BRF1: variants seen among roughly 807,000 people sequenced by gnomAD.
The protein encoded by BRF1 is BRF1 general transcription factor IIIB subunit.
Under a neutral mutation model 81.7 loss-of-function variants are expected in BRF1, and 59 were observed. That is an observed-to-expected ratio of 0.72 (90% confidence interval 0.59 to 0.90). The LOEUF (loss-of-function observed/expected upper bound fraction) is 0.90. Among genes scored for constraint, BRF1 ranks in the 40% least tolerant of loss-of-function variants. The probability of loss-of-function intolerance (pLI) is 0.00; values close to 1 mark genes in which losing one functional copy is unlikely to be tolerated. For synonymous variants in BRF1, 491 were observed against 395.6 expected, an observed-to-expected ratio of 1.24 and a Z score of -2.86; for missense variants, 1,050 against 936.3, an observed-to-expected ratio of 1.12 and a Z score of -1.58.
chr14:105,308,334 T>C (rs958146179), intron 1 of BRF1, among the ~76,000 whole-genome samples: 10 of 151,750 alleles, frequency 6.6e-5, no homozygotes, highest in Admixed American at 5.9e-4. Flanking sequence ...ATACAAAAAT[T>C]AGCCAGGTGT....
chr14:105,258,191 G>A (rs2055974099), intron 3 of BRF1, among the ~76,000 whole-genome samples: 1 of 152,226 alleles, frequency 6.6e-6, no homozygotes, highest in South Asian at 2.1e-4. Context: ...ACTGCTCTAA[G>A]AAATAAACTC....
At chr14:105,312,272 G>A (rs1014444706) in intron 1 of BRF1, among the ~76,000 whole-genome samples, 10 of 152,210 alleles carry the variant, frequency 6.6e-5, no homozygotes, top group African/African-American at 1.7e-4. Flanking sequence ...TTGGGGCTTC[G>A]TCTTTTTAAT....
intron 10 of BRF1, among the ~76,000 whole-genome samples, chr14:105,223,344 C>T (rs1438555245): frequency 6.6e-6 from 1 of 152,226 alleles, no homozygotes; most frequent in Non-Finnish European, 1.5e-5. Context: ...CGTGCAATGT[C>T]CTCTAACAGA....
intron 4 of BRF1, among the ~76,000 whole-genome samples, chr14:105,253,653 T>G (rs904346395): frequency 6.6e-6 from 1 of 152,228 alleles, no homozygotes; most frequent in African/African-American, 2.4e-5. Flanking sequence ...TTGTGGGGGA[T>G]GCCTCTGATC....
At chr14:105,297,532 T>C (rs992008124) in intron 1 of BRF1, among the ~76,000 whole-genome samples, 3 of 152,034 alleles carry the variant, frequency 2.0e-5, no homozygotes, top group Non-Finnish European at 4.4e-5. Context: ...ATCGCGCCAC[T>C]GCACTTCAGC....
chr14:105,281,775 G>A (rs2057115897), intron 2 of BRF1, among the ~76,000 whole-genome samples: 1 of 149,478 alleles, frequency 6.7e-6, no homozygotes, highest in South Asian at 2.1e-4. Context: ...CTTTCTATAT[G>A]ATTCCCACTG....
At chr14:105,229,724 G>A (rs1338236642) in intron 6 of BRF1, among the ~76,000 whole-genome samples, 70 of 76,324 alleles carry the variant, frequency 9.2e-4, no homozygotes, top group South Asian at 1.7e-3. Context: ...ACCACTGTCC[G>A]CGTAGTCGCC....
rs946578221 is a variant in BRF1 at position 105,241,207 on chromosome 14, G to T, written c.694+58C>A. 34 of 1,592,286 alleles carry T rather than the reference G, an allele frequency of 2.1e-5. No homozygotes were observed. In the Admixed American group the frequency reaches 2.9e-4, roughly 13 times the overall value. ...CAGCCCACCAGCACTCAGGAGTCAG[G>T]AAAGTGTGAGGCCAGGACCCAGACC... On this transcript the variant is annotated intron_variant, in intron 6 of 17. Coordinates refer to ENST00000547530, the MANE Select transcript of BRF1 (RefSeq NM_001519.4).
In BRF1 at chr14:105,215,959, A is replaced by G. The variant is rs587650485; in HGVS notation, c.1772+1585T>C. ...ACTGCATACACAGACACAGGCACAC[A>G]CACACATGCACACACACTGCATACA... is the stretch of plus-strand genomic sequence containing the variant. On this transcript the variant is annotated intron_variant, in intron 15 of 17. Coordinates refer to ENST00000547530, the MANE Select transcript of BRF1 (RefSeq NM_001519.4). Among the ~76,000 whole-genome samples, 1,079 of 141,684 alleles carry G rather than the reference A, an allele frequency of 7.6e-3. 53 individuals carry two copies. Among genetic ancestry groups the G allele is most frequent in the Admixed American group, 0.052 (739 of 14,340 alleles). The allele number at this position is 141,684 out of a possible 152,430, so 93.0% of individuals were successfully genotyped here.
intron 7 of BRF1, 72 bp downstream of exon 7, chr14:105,228,748 C>G: frequency 6.5e-7 from 1 of 1,549,766 alleles, no homozygotes; most frequent in Non-Finnish European, 8.9e-7. Context: ...GGCGCCTGCT[C>G]TGGCAAGCAG....
chr14:105,287,857 G>A (rs1271001594), intron 1 of BRF1, among the ~76,000 whole-genome samples: 1 of 152,264 alleles, frequency 6.6e-6, no homozygotes, highest in African/African-American at 2.4e-5. Flanking sequence ...GGCAGCTACT[G>A]GGCCCGTCCG....
At chr14:105,288,472 AAAAAT>A (rs2057397064) in intron 1 of BRF1, among the ~76,000 whole-genome samples, 1 of 150,488 alleles carries the variant, frequency 6.6e-6, no homozygotes, top group Non-Finnish European at 1.5e-5. Flanking sequence ...AAATAAAAAT[AAAAAT>A]AAAATAAAGT....
intron 4 of BRF1, among the ~76,000 whole-genome samples, chr14:105,255,888 A>AG (rs1437956030): frequency 6.6e-6 from 1 of 152,142 alleles, no homozygotes. Context: ...GTACTTAGGG[A>AG]GGCCTTGGTG....
intron 1 of BRF1, among the ~76,000 whole-genome samples, chr14:105,287,189 G>A (rs769851750): frequency 1.1e-4 from 17 of 152,220 alleles, no homozygotes; most frequent in African/African-American, 2.2e-4. Context: ...GCAGGGCTTC[G>A]GGGTTAAGAC....
intron 5 of BRF1, among the ~76,000 whole-genome samples, chr14:105,242,793 G>A (rs1203390028): frequency 1.5e-5 from 2 of 136,912 alleles, no homozygotes; most frequent in African/African-American, 2.7e-5. Context: ...GCAATACAGA[G>A]ACGAAGTCTA....
chr14:105,229,089 C>A (rs1483883336), intron 6 of BRF1, among the ~76,000 whole-genome samples, 176 bp from the exon 7 acceptor site: 1 of 151,426 alleles, frequency 6.6e-6, no homozygotes, highest in Non-Finnish European at 1.5e-5. Flanking sequence ...ACATGACCCT[C>A]TCTATCTTAT....
chr14:105,252,666 G>T, intron 4 of BRF1, 87 bp from the exon 5 acceptor site: 1 of 1,406,022 alleles, frequency 7.1e-7, no homozygotes, highest in Non-Finnish European at 9.7e-7. Context: ...CTCTTGTGCA[G>T]TCTTTAAAGA....
chr14:105,248,364 C>A (rs2055270123), intron 5 of BRF1: 1 of 985,378 alleles, frequency 1.0e-6, no homozygotes, highest in Non-Finnish European at 1.2e-6. Flanking sequence ...CATGGCACTG[C>A]GGGTCTGGGG....
chr14:105,256,142 T>A (rs1051516860), intron 4 of BRF1: 14 of 1,421,122 alleles, frequency 9.9e-6, no homozygotes, highest in African/African-American at 1.4e-5. Context: ...AATAAATAAA[T>A]AAAATGCAAG....
Sources: allele counts gnomAD v4.1 joint callset (sites outside exome capture counted in the v4.1 genomes callset), GRCh38; gene constraint gnomAD v4.1.1; transcripts MANE v1.5; gene names NCBI Gene and HGNC (gene_info 2026-07-23, HGNC 2026-07-21).